CTNND2: variants seen among roughly 807,000 people sequenced by gnomAD.
CTNND2 encodes the protein catenin delta 2.
A neutral mutation model predicts 144.4 loss-of-function variants in CTNND2; 22 were observed. The observed-to-expected ratio is 0.15, with a 90% confidence interval of 0.11 to 0.22. The LOEUF is 0.22. Among genes scored for constraint, CTNND2 ranks in the 10% least tolerant of loss-of-function variants. The pLI is 1.00. For synonymous variants in CTNND2, 751 were observed against 695.6 expected (o/e 1.08, Z -1.25); for missense variants, 1,353 against 1,618.8 (o/e 0.84, Z 2.82).
At chr5:11,048,992 C>T (rs1745565440) in intron 16 of CTNND2, among the ~76,000 whole-genome samples, 1 of 152,216 alleles carries the variant, frequency 6.6e-6, no homozygotes, top group East Asian at 1.9e-4. Flanking sequence ...CCCTCCCATC[C>T]ACACCAGTTG....
intron 3 of CTNND2, among the ~76,000 whole-genome samples, chr5:11,515,111 C>CAAAAAA (rs5865953): frequency 7.5e-4 from 101 of 135,528 alleles, no homozygotes; most frequent in African/African-American, 2.6e-3. Context: ...TAATGCACAC[C>CAAAAAA]AAAAAAAAAA....
At chr5:11,549,596 T>A (rs1327238966) in intron 3 of CTNND2, among the ~76,000 whole-genome samples, 1 of 152,216 alleles carries the variant, frequency 6.6e-6, no homozygotes, top group African/African-American at 2.4e-5. Context: ...TGGGTAACAC[T>A]GAGGATTTTC....
intron 9 of CTNND2, among the ~76,000 whole-genome samples, chr5:11,266,564 T>C (rs1354653284): frequency 2.0e-5 from 3 of 152,214 alleles, no homozygotes; most frequent in Non-Finnish European, 2.9e-5. Context: ...TGGGCTTTCA[T>C]GGGAGGGTTC....
intron 2 of CTNND2, among the ~76,000 whole-genome samples, chr5:11,599,369 G>A (rs1011133244): frequency 2.2e-4 from 33 of 152,256 alleles, no homozygotes; most frequent in African/African-American, 7.9e-4. Context: ...ATCTTGAACA[G>A]GTATTTCATT....
intron 9 of CTNND2, among the ~76,000 whole-genome samples, chr5:11,276,118 G>A (rs1167333983): frequency 6.6e-6 from 1 of 152,188 alleles, no homozygotes. Context: ...TATAGTTTTT[G>A]TAGACCTCAG....
intron 2 of CTNND2, among the ~76,000 whole-genome samples, chr5:11,711,013 T>C (rs1336659344): frequency 6.6e-6 from 1 of 152,182 alleles, no homozygotes; most frequent in Non-Finnish European, 1.5e-5. Flanking sequence ...TGACTCTAAT[T>C]ATCAAAGAGA....
At chr5:11,240,510 CACACACACACCCA>C (rs1426627739) in intron 9 of CTNND2, among the ~76,000 whole-genome samples, 60 of 127,572 alleles carry the variant, frequency 4.7e-4, no homozygotes, top group South Asian at 3.1e-3. Flanking sequence ...ACACACCCAA[CACACACACACCCA>C]ACACACACAC....
In CTNND2 at chr5:11,119,909, G is replaced by T. The variant is rs565553541; in HGVS notation, c.2160-2342C>A. The stretch of plus-strand genomic sequence containing the variant: ...AGTATCCTTTTTTTGGAGGCAGGCT[G>T]CCTCCCAATTCACCAATAAACTTCC... On this transcript the variant is annotated intron_variant, in intron 12 of 21. Transcript: ENST00000304623. 2.3e-3 allele frequency among the ~76,000 whole-genome samples: 344 copies of T among 152,250 alleles called. 1 individual carries two copies. Among genetic ancestry groups the T allele is most frequent in the Non-Finnish European group, 8.8e-4 (60 of 68,026 alleles).
rs548326430 is a variant in CTNND2, at chr5:11,411,187, T to C, written c.439+349A>G. On this transcript the variant is annotated intron_variant, in intron 5 of 21. Transcript: ENST00000304623. The stretch of plus-strand genomic sequence containing the variant: ...GCGCCCGGCCAGCATTGATAGTTAA[T>C]TTTAAGGCAGACATTGTGTTGACTA... Among the ~76,000 whole-genome samples, 3 of 152,220 alleles carry C rather than the reference T, an allele frequency of 2.0e-5. No homozygotes were observed. In the East Asian group the frequency reaches 5.8e-4, roughly 29 times the overall value.
At chr5:11,717,938 C>G (rs929216962) in intron 2 of CTNND2, among the ~76,000 whole-genome samples, 2 of 152,168 alleles carry the variant, frequency 1.3e-5, no homozygotes, top group African/African-American at 2.4e-5. Flanking sequence ...ATGCTATCAA[C>G]ACCTTCTTAA....
intron 20 of CTNND2, among the ~76,000 whole-genome samples, chr5:10,982,939 T>C (rs756315120): frequency 5.9e-5 from 9 of 152,184 alleles, no homozygotes; most frequent in Non-Finnish European, 1.2e-4. Flanking sequence ...ATGTGGAATA[T>C]GCGGAAGCTA....
At chr5:11,790,715 C>T (rs565971150) in intron 1 of CTNND2, among the ~76,000 whole-genome samples, 10 of 152,092 alleles carry the variant, frequency 6.6e-5, no homozygotes, top group African/African-American at 1.7e-4. Context: ...GAAATGTTTA[C>T]GGGTAGTCCT....
At chr5:11,371,902 C>A (rs563123061) in intron 7 of CTNND2, among the ~76,000 whole-genome samples, 1 of 152,082 alleles carries the variant, frequency 6.6e-6, no homozygotes, top group Admixed American at 6.6e-5. Context: ...AACAGGCCAT[C>A]TGATAATATA....
intron 2 of CTNND2, among the ~76,000 whole-genome samples, chr5:11,701,942 CTG>C (rs956173518): frequency 7.2e-5 from 11 of 152,182 alleles, no homozygotes; most frequent in Non-Finnish European, 1.5e-4. Context: ...TGCCTTCCCA[CTG>C]TGTCTATAAA....
intron 3 of CTNND2, among the ~76,000 whole-genome samples, chr5:11,446,448 G>T (rs146325188): frequency 1.0e-3 from 159 of 152,294 alleles, no homozygotes; most frequent in Non-Finnish European, 1.7e-3. Context: ...TAGGGCTGTT[G>T]TACATCACAG....
intron 1 of CTNND2, among the ~76,000 whole-genome samples, chr5:11,773,040 G>A (rs187280905): frequency 6.6e-6 from 1 of 152,272 alleles, no homozygotes; most frequent in Non-Finnish European, 1.5e-5. Context: ...CTGGAATGTC[G>A]ATATCACAAA....
intron 11 of CTNND2, among the ~76,000 whole-genome samples, chr5:11,175,766 C>T (rs1318382600): frequency 1.3e-5 from 2 of 151,972 alleles, no homozygotes; most frequent in East Asian, 1.9e-4. Context: ...AAACTTGGAT[C>T]GCTGGGTAGA....
intron 2 of CTNND2, among the ~76,000 whole-genome samples, chr5:11,578,903 C>T (rs943953982): frequency 6.6e-6 from 1 of 152,104 alleles, no homozygotes; most frequent in Non-Finnish European, 1.5e-5. Context: ...AAATATATTT[C>T]CCTGCTGCTT....
At chr5:11,215,009 A>C (rs1021782758) in intron 10 of CTNND2, among the ~76,000 whole-genome samples, 7 of 152,354 alleles carry the variant, frequency 4.6e-5, no homozygotes, top group African/African-American at 1.7e-4. Flanking sequence ...GTGAGAGCAG[A>C]GATCTTGCCC....
Sources: allele counts gnomAD v4.1 joint callset (sites outside exome capture counted in the v4.1 genomes callset), GRCh38; gene constraint gnomAD v4.1.1; transcripts MANE v1.5; gene names NCBI Gene and HGNC (gene_info 2026-07-23, HGNC 2026-07-21).